The following ADAMTS9 variants were observed in gnomAD, a reference collection of about 807,000 sequenced individuals.
ADAMTS9 encodes A disintegrin and metalloproteinase with thrombospondin motifs 9.
A neutral mutation model predicts 257.1 loss-of-function variants in ADAMTS9; 107 were observed. The observed-to-expected ratio is 0.42, with a 90% CI of 0.36 to 0.49. The LOEUF is 0.49. Ranked by LOEUF, ADAMTS9 falls within the 20% of genes least tolerant of loss-of-function variation. The pLI, the probability that ADAMTS9 is intolerant of heterozygous loss-of-function variation, is 0.03. For synonymous variants in ADAMTS9, 982 were observed against 880.9 expected (o/e 1.11, Z -2.03); for missense variants, 2,353 against 2,469.1 (o/e 0.95, Z 1.00).
chr3:64,577,013 T>G (rs2083869602), intron 28 of ADAMTS9, among the ~76,000 whole-genome samples: 1 of 152,106 alleles, frequency 6.6e-6, no homozygotes, highest in African/African-American at 2.4e-5. Context: ...TGTAACAACT[T>G]CATATTAGAG....
intron 31 of ADAMTS9, among the ~76,000 whole-genome samples, chr3:64,547,582 C>T (rs559788410): frequency 4.8e-5 from 7 of 144,960 alleles, no homozygotes; most frequent in South Asian, 2.2e-4. Context: ...ACATGATCTC[C>T]GCTCAATGAA....
intron 8 of ADAMTS9, among the ~76,000 whole-genome samples, 167 bp from the exon 9 acceptor site, chr3:64,651,330 G>A (rs576947959): frequency 4.6e-5 from 7 of 152,174 alleles, no homozygotes; most frequent in African/African-American, 1.7e-4. Context: ...TCAAGATAGA[G>A]TGTAGATTAA....
chr3:64,615,332 C>T lies in ADAMTS9; in HGVS notation c.3178G>A (p.Asp1060Asn). The change falls in exon 21 of 40, where the codon GAC (aspartate) becomes AAC (asparagine). Residue 1060 changes from aspartate to asparagine, a missense_variant. Physicochemically the swap from Asp to Asn is conservative, Grantham distance 23. This residue lies in a region of ADAMTS9 where 1,402 missense variants were observed against 1,441.4 expected (regional missense o/e 0.97). Transcript: ENST00000498707. ...EFPCPQWKSG[D>N]WSECLVTCGK... ...CCCTCCCATCTTACCTCTGACCAGT[C>T]TCCAGATTTCCACTGTGGACAAGGG... 2.5e-6 allele frequency: 4 copies of T among 1,613,696 alleles called. No individual in the cohort carries two copies. In the Admixed American group the frequency reaches 6.7e-5, roughly 27 times the overall value.
At chr3:64,519,220 T>G (rs966675384) in intron 39 of ADAMTS9, among the ~76,000 whole-genome samples, 1 of 152,198 alleles carries the variant, frequency 6.6e-6, no homozygotes, top group Admixed American at 6.5e-5. Context: ...TACTATTACA[T>G]TCTTGGGATG....
intron 22 of ADAMTS9, among the ~76,000 whole-genome samples, chr3:64,609,247 A>G (rs1345902556): frequency 6.6e-6 from 1 of 152,168 alleles, no homozygotes; most frequent in South Asian, 2.1e-4. Flanking sequence ...ACTGCTGTTC[A>G]TCATTGTACT....
At position 64,557,094 on chromosome 3, in the gene ADAMTS9, G is replaced by A. The variant is rs116495754; in HGVS notation, c.4698+4484C>T. On this transcript the variant is annotated intron_variant, in intron 30 of 39. Transcript: ENST00000498707. ...GAGCATCTGACTCAGATTTAGTGGG[G>A]TGGTGTGATTGGCAAAGGCTTCTGA... Among the ~76,000 whole-genome samples, 1,087 of 152,270 alleles carry A rather than the reference G, an allele frequency of 7.1e-3. 9 individuals are homozygous for A. The highest frequency in any genetic ancestry group is 0.023 in the African/African-American group (975 of 41,550).
chr3:64,597,007 G>C lies in ADAMTS9; in HGVS notation c.4018-16C>G. Reference sequence around the variant, plus strand: ...TACTGGAACACTAAACACATCAGTCGACAAGTTAATCCCCACCTCAATCTC... The same window carrying C: ...TACTGGAACACTAAACACATCAGTCCACAAGTTAATCCCCACCTCAATCTC... On this transcript the variant is annotated splice_polypyrimidine_tract_variant and intron_variant, in intron 26 of 39. Transcript: ENST00000498707. 6.2e-7 allele frequency: 1 copy of C among 1,613,086 alleles called. No individual in the cohort carries two copies. Among genetic ancestry groups the C allele is most frequent in the Non-Finnish European group, 8.5e-7 (1 of 1,179,622 alleles).
intron 16 of ADAMTS9, among the ~76,000 whole-genome samples, chr3:64,629,444 C>T (rs192289445): frequency 1.0e-3 from 153 of 152,344 alleles, no homozygotes; most frequent in Admixed American, 2.7e-3. Context: ...CACTTGGCAA[C>T]AGCCATACTG....
rs9832057 is a variant in ADAMTS9 at position 64,641,772 on chromosome 3, C to T, written c.1856+76G>A. 224,995 of 1,568,084 alleles carry T rather than the reference C, an allele frequency of 0.14. 25,505 individuals carry two copies. Among genetic ancestry groups the T allele is most frequent in the African/African-American group, 0.54 (39,989 of 73,754 alleles). On this transcript the variant is annotated intron_variant, in intron 12 of 39. Coordinates refer to ENST00000498707, the MANE Select transcript of ADAMTS9 (RefSeq NM_182920.2). ...TCTCTAAGTTGGAATGTACTCTTCACCCACCAAATTATTCCCTTTAGGAAT... is the reference window on the plus strand; with the variant it reads ...TCTCTAAGTTGGAATGTACTCTTCATCCACCAAATTATTCCCTTTAGGAAT...
At chr3:64,539,964 C>T (rs1229518312) in intron 36 of ADAMTS9, among the ~76,000 whole-genome samples, 1 of 152,204 alleles carries the variant, frequency 6.6e-6, no homozygotes, top group African/African-American at 2.4e-5. Context: ...GAGGAGTTAA[C>T]CCGAGAATCC....
At chr3:64,638,494 T>A (rs1454253897) in intron 12 of ADAMTS9, among the ~76,000 whole-genome samples, 2 of 152,148 alleles carry the variant, frequency 1.3e-5, no homozygotes, top group Non-Finnish European at 2.9e-5. Context: ...AGAGTGAAAA[T>A]GGGAGCTATT....
intron 30 of ADAMTS9, among the ~76,000 whole-genome samples, chr3:64,552,628 A>G (rs2083284507): frequency 6.7e-6 from 1 of 148,310 alleles, no homozygotes. Flanking sequence ...GTTGGAGTGC[A>G]GTGATGTGAT....
intron 28 of ADAMTS9, among the ~76,000 whole-genome samples, chr3:64,585,878 T>A (rs1370432434): frequency 6.6e-6 from 1 of 152,186 alleles, no homozygotes; most frequent in Non-Finnish European, 1.5e-5. Context: ...TGATTTTCTT[T>A]GCTTATCCCC....
intron 30 of ADAMTS9, among the ~76,000 whole-genome samples, chr3:64,551,690 T>C (rs1413787354): frequency 6.6e-6 from 1 of 152,192 alleles, no homozygotes; most frequent in African/African-American, 2.4e-5. Flanking sequence ...TGGCCAAATG[T>C]TTACCAAGCT....
rs147358394 is a variant in ADAMTS9, at chr3:64,539,011, T to TA, written c.5613+191dup. ...AGGCATGTAGCTATGATCATTTCCT[T>TA]AGGACCCACTTTCAGGAGCTGAATT... On this transcript the variant is annotated intron_variant, in intron 37 of 39. Transcript: ENST00000498707. Among the ~76,000 whole-genome samples, 741 of 152,324 alleles carry TA rather than the reference T, an allele frequency of 4.9e-3. 7 individuals are homozygous for TA. The highest frequency in any genetic ancestry group is 0.017 in the African/African-American group (710 of 41,568).
At chr3:64,656,766 C>A (rs1701082513) in intron 4 of ADAMTS9, among the ~76,000 whole-genome samples, 1 of 151,500 alleles carries the variant, frequency 6.6e-6, no homozygotes, top group South Asian at 2.1e-4. Flanking sequence ...GTGAGAGGGG[C>A]ACGGAGGCCA....
chr3:64,547,161 C>T (rs138127321), intron 31 of ADAMTS9, among the ~76,000 whole-genome samples: 247 of 152,274 alleles, frequency 1.6e-3, no homozygotes, highest in African/African-American at 5.7e-3. Context: ...CTGGTGCTTC[C>T]ACTGGCATCT....
chr3:64,527,664 T>C (rs1156361528), intron 38 of ADAMTS9, among the ~76,000 whole-genome samples: 1 of 152,228 alleles, frequency 6.6e-6, no homozygotes, highest in Non-Finnish European at 1.5e-5. Flanking sequence ...AGGGTTTTTT[T>C]TTCTGAATAT....
intron 16 of ADAMTS9, among the ~76,000 whole-genome samples, chr3:64,624,298 GGAA>G (rs1437801826): frequency 6.6e-6 from 1 of 151,028 alleles, no homozygotes; most frequent in Non-Finnish European, 1.5e-5. Flanking sequence ...GAAAGAGGAA[GGAA>G]GGAGGGAAGA....
Sources: gnomAD v4.1 joint callset for allele counts (sites outside exome capture counted in the v4.1 genomes callset) on GRCh38, gnomAD v4.1.1 for gene constraint, gnomAD v4.1.1 regional missense constraint, MANE v1.5 for transcripts, NCBI Gene and HGNC (gene_info 2026-07-23, HGNC 2026-07-21) for gene names.